BCAS2: variants seen among roughly 807,000 people sequenced by gnomAD.
BCAS2 encodes BCAS2 pre-mRNA processing factor.
A neutral mutation model predicts 35.3 loss-of-function variants in BCAS2; 34 were observed. The ratio of observed to expected loss-of-function variants is 0.96; its 90% CI spans 0.73 to 1.28. The LOEUF (loss-of-function observed/expected upper bound fraction) is 1.28. Among genes scored for constraint, BCAS2 ranks in the 50% most tolerant of loss-of-function variants. The pLI is 0.00. For synonymous variants in BCAS2, 75 were observed against 91.6 expected, an observed-to-expected ratio of 0.82 and a Z score of 1.03; for missense variants, 221 against 268.1, an observed-to-expected ratio of 0.82 and a Z score of 1.23.
At chr1:114,577,143 G>A (rs1654787209) in intron 2 of BCAS2, among the ~76,000 whole-genome samples, 1 of 152,154 alleles carries the variant, frequency 6.6e-6, no homozygotes, top group African/African-American at 2.4e-5. Flanking sequence ...AGAGGTGATT[G>A]GGTTATGAAG....
At position 114,568,028 on chromosome 1, in the gene BCAS2, A is replaced by T; in HGVS notation, c.*102T>A. On this transcript the variant is annotated 3_prime_UTR_variant, in exon 7 of 7. Transcript: ENST00000369541. ...TTCTATGATTTCTAAACACTTAAAC[A>T]TCAATGGTTTTGGGAAGATGCTGTT... 1 of 1,463,976 alleles carries T rather than the reference A, an allele frequency of 6.8e-7. No individual in the cohort carries two copies. The highest frequency in any genetic ancestry group is 9.4e-7 in the Non-Finnish European group (1 of 1,065,640). 90.7% of individuals were successfully genotyped at this position (1,463,976 alleles called of 1,614,324 possible).
Position 114,575,766 on chromosome 1 carries a change from CAAAAT to C in BCAS2, c.258-20_258-16del. ...GAAGCTCATATCTGAAATTAAACAACAAAATAAAATAAAACCATCTATACTGCCAA... is the reference window on the plus strand; with the variant it reads ...GAAGCTCATATCTGAAATTAAACAACAAAATAAAACCATCTATACTGCCAA... On this transcript the variant is annotated splice_polypyrimidine_tract_variant and intron_variant, in intron 3 of 6. Coordinates refer to ENST00000369541, the MANE Select transcript of BCAS2 (RefSeq NM_005872.3). 1.9e-6 allele frequency: 3 copies of C among 1,609,414 alleles called. No individual in the cohort carries two copies. Among genetic ancestry groups the C allele is most frequent in the Non-Finnish European group, 2.5e-6 (3 of 1,178,834 alleles).
chr1:114,568,365 T>G, intron 6 of BCAS2, 109 bp from the exon 7 acceptor site: 5 of 1,070,820 alleles, frequency 4.7e-6, no homozygotes, highest in Non-Finnish European at 6.3e-6. Flanking sequence ...ACACTAACCT[T>G]CACTTTTTTT....
At chr1:114,572,509 G>A (rs1654668534) in intron 4 of BCAS2, among the ~76,000 whole-genome samples, 1 of 152,232 alleles carries the variant, frequency 6.6e-6, no homozygotes, top group South Asian at 2.1e-4. Flanking sequence ...GACAAAATAT[G>A]CTTAGGGGAA....
chr1:114,577,213 T>C (rs1211038571), intron 2 of BCAS2, among the ~76,000 whole-genome samples: 1 of 148,784 alleles, frequency 6.7e-6, no homozygotes, highest in Non-Finnish European at 1.5e-5. Context: ...TAAAAGCCAG[T>C]TTGTCTTTCT....
At chr1:114,573,209 A>T (rs990925415) in intron 4 of BCAS2, among the ~76,000 whole-genome samples, 5 of 148,996 alleles carry the variant, frequency 3.4e-5, no homozygotes, top group African/African-American at 1.2e-4. Context: ...GTAAGTTGAC[A>T]GCAGTGTTCT....
intron 6 of BCAS2, among the ~76,000 whole-genome samples, chr1:114,569,024 C>G (rs1570734488): frequency 1.3e-5 from 2 of 152,102 alleles, no homozygotes; most frequent in South Asian, 2.1e-4. Flanking sequence ...CTTGGCCTAC[C>G]AAGGCACTAG....
At position 114,570,182 on chromosome 1, in the gene BCAS2, TAC is replaced by T. The variant is rs1479264637; in HGVS notation, c.471-112_471-111del. On this transcript the variant is annotated intron_variant, in intron 5 of 6. Transcript: ENST00000369541. ...TTAATCCCATGAGAACAATATTATGTACAGTTATAGGCTAACTGTAGAAATTA... is the reference window on the plus strand; with the variant it reads ...TTAATCCCATGAGAACAATATTATGTAGTTATAGGCTAACTGTAGAAATTA... 5.3e-6 allele frequency: 4 copies of T among 754,840 alleles called. No homozygotes were observed. In the Admixed American group the frequency reaches 7.7e-5, roughly 14 times the overall value. 46.8% of individuals were successfully genotyped at this position (754,840 alleles called of 1,614,324 possible). A position where few individuals can be genotyped will look rare whatever the true frequency, so the allele number is the denominator to read the frequency against.
At chr1:114,570,142 A>G in intron 5 of BCAS2, 70 bp from the exon 6 acceptor site, 2 of 1,050,114 alleles carry the variant, frequency 1.9e-6, no homozygotes, top group Non-Finnish European at 2.9e-6. Context: ...AAACTCTATA[A>G]CACAAGAGAA....
chr1:114,576,239 CTCTCTCTCTATA>C (rs1654760635), intron 3 of BCAS2, among the ~76,000 whole-genome samples: 1 of 146,106 alleles, frequency 6.8e-6, no homozygotes, highest in Non-Finnish European at 1.5e-5. Context: ...CTCTCTCTCT[CTCTCTCTCTATA>C]TATATATATA....
In BCAS2 at chr1:114,567,793, C is replaced by T; in HGVS notation, c.*337G>A. ...TCATAAACCAAAAATTTCCAACTTC[C>T]TGTACATGTTGAAAGCTTTAAATAA... On this transcript the variant is annotated 3_prime_UTR_variant, in exon 7 of 7. Coordinates refer to ENST00000369541, the MANE Select transcript of BCAS2 (RefSeq NM_005872.3). 5.5e-6 allele frequency: 1 copy of T among 183,162 alleles called. No homozygotes were observed. Among genetic ancestry groups the T allele is most frequent in the Non-Finnish European group, 1.1e-5 (1 of 88,024 alleles). The allele number at this position is 183,162 out of a possible 1,614,324, so 11.3% of individuals were successfully genotyped here.
intron 2 of BCAS2, among the ~76,000 whole-genome samples, chr1:114,579,726 C>G (rs935489457): frequency 6.6e-6 from 1 of 151,820 alleles, no homozygotes; most frequent in African/African-American, 2.4e-5. Context: ...ATTACCCAGG[C>G]ATGGTGGCAG....
intron 4 of BCAS2, among the ~76,000 whole-genome samples, chr1:114,571,006 G>C (rs1342705229): frequency 6.6e-6 from 1 of 151,380 alleles, no homozygotes; most frequent in African/African-American, 2.4e-5. Context: ...CTCCCACCTT[G>C]GCCTCCCAAA....
chr1:114,568,921 C>G (rs1288389114), intron 6 of BCAS2, among the ~76,000 whole-genome samples: 1 of 151,708 alleles, frequency 6.6e-6, no homozygotes, highest in Non-Finnish European at 1.5e-5. Flanking sequence ...TGCCATCATG[C>G]CTGGCTCATT....
intron 6 of BCAS2, among the ~76,000 whole-genome samples, chr1:114,569,395 T>C (rs1249765860): frequency 2.0e-5 from 3 of 152,134 alleles, no homozygotes; most frequent in Admixed American, 1.3e-4. Flanking sequence ...TATAAAGGTA[T>C]ACATGTGTGT....
chr1:114,579,975 G>A (rs1488894105), intron 2 of BCAS2, among the ~76,000 whole-genome samples: 1 of 150,860 alleles, frequency 6.6e-6, no homozygotes, highest in Non-Finnish European at 1.5e-5. Flanking sequence ...TCTATTGCCA[G>A]GCTGGAGTGC....
Position 114,570,732 on chromosome 1 carries a change from A to G in BCAS2, c.438T>C (p.Ile146=). 6.3e-7 allele frequency: 1 copy of G among 1,591,406 alleles called. No individual in the cohort carries two copies. The highest frequency in any genetic ancestry group is 8.6e-7 in the Non-Finnish European group (1 of 1,164,850). ...KVYNENLVHM[I]EHAQKELQKL... ...TCTGAAGTTCCTTCTGTGCGTGTTC[A>G]ATCATATGAACTAGATTTCTGAAGG... The change falls in exon 5 of 7, where the codon ATT becomes ATC. Residue 146 remains isoleucine, a synonymous_variant. Coordinates refer to ENST00000369541, the MANE Select transcript of BCAS2 (RefSeq NM_005872.3).
In BCAS2 at chr1:114,570,050, A is replaced by G; in HGVS notation, c.493T>C (p.Trp165Arg). Residue 165 changes from tryptophan to arginine, a missense_variant, in exon 6 of 7, where the codon TGG becomes CGG. By Grantham distance (101) the Trp-to-Arg change is moderately radical (BLOSUM62 -3). Transcript: ENST00000369541. Reference sequence around the variant, plus strand: ...GTGAGTTGCATGTTCTTTCTCTGCCAGTTTAAATCTTGAATATGTTTTCTG... The same window carrying G: ...GTGAGTTGCATGTTCTTTCTCTGCCGGTTTAAATCTTGAATATGTTTTCTG... ...KLRKHIQDLN[W>R]QRKNMQLTAG... The G allele has an allele frequency of 6.2e-7, 1 of 1,611,404 alleles. No homozygotes were observed. Among genetic ancestry groups the G allele is most frequent in the Non-Finnish European group, 8.5e-7 (1 of 1,177,816 alleles).
chr1:114,569,896 G>C lies in BCAS2; in HGVS notation c.551+96C>G, dbSNP rs1654604539. 6 of 904,724 alleles carry C rather than the reference G, an allele frequency of 6.6e-6. No homozygotes were observed. In the East Asian group the frequency reaches 1.3e-4, roughly 19 times the overall value. The allele number at this position is 904,724 out of a possible 1,614,324, so 56.0% of individuals were successfully genotyped here. On this transcript the variant is annotated intron_variant, in intron 6 of 6. Transcript: ENST00000369541. ...AGAAAATAGCATTTCTTTGTTACCT[G>C]TGGCATCCCATTTGAATGCTATTTG...
Sources: allele counts gnomAD v4.1 joint callset (sites outside exome capture counted in the v4.1 genomes callset), GRCh38; gene constraint gnomAD v4.1.1; transcripts MANE v1.5; gene names NCBI Gene and HGNC (gene_info 2026-07-23, HGNC 2026-07-21).